RAPGEF2: variants seen among roughly 807,000 people sequenced by gnomAD.
RAPGEF2 encodes Rap guanine nucleotide exchange factor 2.
In RAPGEF2, 54 loss-of-function variants were observed where a neutral mutation model predicts 186.7. That is an observed-to-expected ratio of 0.29 (90% confidence interval 0.23 to 0.36). RAPGEF2 has a LOEUF of 0.36. Ranked by LOEUF, RAPGEF2 falls within the 10% of genes least tolerant of loss-of-function variation. The pLI, the probability that RAPGEF2 is intolerant of heterozygous loss-of-function variation, is 1.00. For missense variants in RAPGEF2, 1,532 were observed against 2,045.0 expected, an observed-to-expected ratio of 0.75 and a Z score of 4.84; for synonymous variants, 712 against 705.9, an observed-to-expected ratio of 1.01 and a Z score of -0.14.
chr4:159,144,885 T>G (rs912905200), intron 1 of RAPGEF2, among the ~76,000 whole-genome samples: 1 of 51,140 alleles, frequency 2.0e-5, no homozygotes, highest in South Asian at 6.8e-4. Context: ...TCCTGTTTTT[T>G]TTTTTTTTTT....
At chr4:159,134,630 A>G (rs1741486602) in intron 1 of RAPGEF2, among the ~76,000 whole-genome samples, 1 of 152,248 alleles carries the variant, frequency 6.6e-6, no homozygotes, top group Non-Finnish European at 1.5e-5. Flanking sequence ...CATCCTCGTC[A>G]GCACTTACAC....
At chr4:159,200,000 A>G (rs1405969970) in intron 3 of RAPGEF2, among the ~76,000 whole-genome samples, 1 of 151,882 alleles carries the variant, frequency 6.6e-6, no homozygotes, top group East Asian at 1.9e-4. Context: ...GAGCCCTTGG[A>G]TCTATTTCTT....
intron 11 of RAPGEF2, among the ~76,000 whole-genome samples, chr4:159,324,298 G>C (rs527413277): frequency 6.6e-6 from 1 of 152,324 alleles, no homozygotes; most frequent in South Asian, 2.1e-4. Context: ...AAAGTGCTGG[G>C]ATTACAGGCG....
chr4:159,238,525 CT>C (rs1002615109), intron 4 of RAPGEF2, among the ~76,000 whole-genome samples: 1 of 152,042 alleles, frequency 6.6e-6, no homozygotes, highest in African/African-American at 2.4e-5. Flanking sequence ...TTAAAATAAC[CT>C]AACAGAAAAC....
intron 17 of RAPGEF2, among the ~76,000 whole-genome samples, chr4:159,335,508 A>G (rs1767276377): frequency 1.3e-5 from 2 of 152,188 alleles, no homozygotes; most frequent in Admixed American, 1.3e-4. Flanking sequence ...AACTGAGAGT[A>G]GAAAGGCAGT....
At chr4:159,158,749 T>C (rs74515863) in intron 1 of RAPGEF2, among the ~76,000 whole-genome samples, 6 of 152,210 alleles carry the variant, frequency 3.9e-5, no homozygotes, top group Admixed American at 6.5e-5. Flanking sequence ...TCAATATTAA[T>C]TGAATCAACT....
At chr4:159,204,954 G>C (rs1749818807) in intron 3 of RAPGEF2, among the ~76,000 whole-genome samples, 1 of 152,020 alleles carries the variant, frequency 6.6e-6, no homozygotes, top group Admixed American at 6.5e-5. Flanking sequence ...GGTTCTTTCA[G>C]GATTAAGCTT....
chr4:159,104,496 G>GAGAGAGAGAC (rs1737576027), intron 1 of RAPGEF2, among the ~76,000 whole-genome samples: 1 of 81,592 alleles, frequency 1.2e-5, no homozygotes, highest in Admixed American at 1.4e-4. Flanking sequence ...AGCCGAGAGA[G>GAGAGAGAGAC]AGAGAGAGAG....
chr4:159,303,203 TGTC>T (rs1476153278), intron 7 of RAPGEF2, among the ~76,000 whole-genome samples: 1 of 152,178 alleles, frequency 6.6e-6, no homozygotes, highest in Non-Finnish European at 1.5e-5. Context: ...CATTGATCAT[TGTC>T]GTAAATCCAA....
intron 4 of RAPGEF2, among the ~76,000 whole-genome samples, chr4:159,219,508 A>T (rs545730033): frequency 1.1e-4 from 17 of 151,878 alleles, no homozygotes; most frequent in African/African-American, 3.9e-4. Context: ...GGCACCCGCC[A>T]CCACGTCCGG....
At chr4:159,299,849 C>T (rs1262352404) in intron 7 of RAPGEF2, among the ~76,000 whole-genome samples, 3 of 151,440 alleles carry the variant, frequency 2.0e-5, no homozygotes, top group Non-Finnish European at 4.4e-5. Flanking sequence ...TTTTACAAAG[C>T]TAATTATGGT....
At chr4:159,335,886 T>TATTTGTAGCCTTTTGTGCCGG (rs994210211) in intron 17 of RAPGEF2, among the ~76,000 whole-genome samples, 2 of 142,644 alleles carry the variant, frequency 1.4e-5, no homozygotes, top group African/African-American at 5.3e-5. Flanking sequence ...AAGATGCTAA[T>TATTTGTAGCCTTTTGTGCCGG]ATTTGTAGCC....
At chr4:159,180,885 T>G (rs1045432993) in intron 1 of RAPGEF2, among the ~76,000 whole-genome samples, 1 of 152,232 alleles carries the variant, frequency 6.6e-6, no homozygotes, top group Admixed American at 6.5e-5. Flanking sequence ...ATTGATTTAC[T>G]TATGTCAGTG....
intron 1 of RAPGEF2, among the ~76,000 whole-genome samples, chr4:159,122,491 A>G (rs1338347471): frequency 6.6e-6 from 1 of 152,152 alleles, no homozygotes; most frequent in Non-Finnish European, 1.5e-5. Flanking sequence ...AAAAAAAAAA[A>G]GTTAAAATTT....
intron 1 of RAPGEF2, among the ~76,000 whole-genome samples, chr4:159,156,757 G>A (rs1469845318): frequency 1.3e-5 from 2 of 152,102 alleles, no homozygotes; most frequent in Non-Finnish European, 2.9e-5. Flanking sequence ...TTCTGTCCTT[G>A]TGATAGTTGT....
chr4:159,211,641 C>T (rs1294916845), intron 4 of RAPGEF2, among the ~76,000 whole-genome samples: 1 of 152,194 alleles, frequency 6.6e-6, no homozygotes, highest in Non-Finnish European at 1.5e-5. Context: ...AGAGAAAGAT[C>T]AGCCTGGGTG....
intron 1 of RAPGEF2, among the ~76,000 whole-genome samples, chr4:159,139,104 C>T (rs1393488654): frequency 6.6e-6 from 1 of 152,194 alleles, no homozygotes; most frequent in Admixed American, 6.5e-5. Flanking sequence ...CCCTTGGTCA[C>T]ATGCCAGATA....
At chr4:159,125,781 C>T (rs1017150564) in intron 1 of RAPGEF2, among the ~76,000 whole-genome samples, 2 of 151,206 alleles carry the variant, frequency 1.3e-5, no homozygotes, top group Admixed American at 6.6e-5. Context: ...AATAATAATT[C>T]GCTGTTATAG....
chr4:159,325,113 C>T (rs373117632), intron 11 of RAPGEF2, among the ~76,000 whole-genome samples: 2 of 151,796 alleles, frequency 1.3e-5, no homozygotes, highest in African/African-American at 4.8e-5. Context: ...CATGGCTATA[C>T]ATAAAATTAT....
Sources: allele counts gnomAD v4.1 joint callset (sites outside exome capture counted in the v4.1 genomes callset), GRCh38; gene constraint gnomAD v4.1.1; transcripts MANE v1.5; gene names NCBI Gene and HGNC (gene_info 2026-07-23, HGNC 2026-07-21).